RAB5C: variants seen among roughly 807,000 people sequenced by gnomAD.
The protein encoded by RAB5C is RAB5C, member RAS oncogene family, also known as ras-related protein Rab-5C.
RAB5C carries 4 observed loss-of-function variants against 25.2 expected under a neutral mutation model. The ratio of observed to expected loss-of-function variants is 0.16; its 90% CI spans 0.08 to 0.36. The LOEUF is 0.36. Ranked by LOEUF, RAB5C falls within the 10% of genes least tolerant of loss-of-function variation. RAB5C has a pLI of 1.00. For missense variants in RAB5C, 199 were observed against 283.8 expected, an observed-to-expected ratio of 0.70 and a Z score of 2.15; for synonymous variants, 100 against 106.4, an observed-to-expected ratio of 0.94 and a Z score of 0.37.
At chr17:42,128,195 C>G (rs1249073131) in intron 4 of RAB5C, 66 bp downstream of exon 4, 2 of 1,552,136 alleles carry the variant, frequency 1.3e-6, no homozygotes, top group Non-Finnish European at 1.7e-6. Context: ...AGCCCCTGAG[C>G]ATCCCAGGCG....
intron 1 of RAB5C, among the ~76,000 whole-genome samples, chr17:42,139,326 G>C (rs1392771314): frequency 1.3e-5 from 2 of 152,244 alleles, no homozygotes; most frequent in Non-Finnish European, 2.9e-5. Context: ...GCCTGCAGCT[G>C]CACCAGGCAA....
intron 1 of RAB5C, among the ~76,000 whole-genome samples, chr17:42,152,218 A>C (rs2079676219): frequency 6.6e-6 from 1 of 152,178 alleles, no homozygotes; most frequent in East Asian, 1.9e-4. Context: ...TATGAAAATA[A>C]TTTTGCAACC....
chr17:42,148,871 T>C (rs776981028), intron 1 of RAB5C, among the ~76,000 whole-genome samples: 9 of 152,190 alleles, frequency 5.9e-5, no homozygotes, highest in Admixed American at 2.0e-4. Flanking sequence ...CATTACTACA[T>C]AGTCCCCCAC....
At chr17:42,135,171 G>A (rs142035095) in intron 1 of RAB5C, among the ~76,000 whole-genome samples, 73 of 151,764 alleles carry the variant, frequency 4.8e-4, no homozygotes, top group African/African-American at 1.4e-3. Flanking sequence ...TTTTTGTAGC[G>A]GCGGGGTTTT....
intron 1 of RAB5C, among the ~76,000 whole-genome samples, chr17:42,147,030 CAGAA>C (rs1568024975): frequency 2.2e-5 from 2 of 89,182 alleles, no homozygotes; most frequent in African/African-American, 6.9e-5. Context: ...GAAAGAAAGA[CAGAA>C]AGACAGAAAG....
At chr17:42,149,881 T>TTTTTTTG (rs2079658963) in intron 1 of RAB5C, among the ~76,000 whole-genome samples, 1 of 149,564 alleles carries the variant, frequency 6.7e-6, no homozygotes, top group South Asian at 2.1e-4. Context: ...GGCTGGTTTT[T>TTTTTTTG]TTTTTTTTTT....
intron 4 of RAB5C, among the ~76,000 whole-genome samples, chr17:42,127,124 C>T (rs541583523): frequency 2.9e-4 from 44 of 152,354 alleles, no homozygotes; most frequent in Admixed American, 6.5e-4. Flanking sequence ...CTAGGAAATA[C>T]TTCTAGAAAG....
chr17:42,128,709 C>T lies in RAB5C; in HGVS notation c.258G>A (p.Leu86=), dbSNP rs748202064. Residue 86 remains leucine (L), a synonymous_variant, in exon 3 of 6, where the codon CTG becomes CTA. Transcript: ENST00000346213. The part of the protein sequence containing the change: ...DTAGQERYHS[L]APMYYRGAQA... ...GGGCCCCCCGATAGTACATGGGGGCCAGGCTGTGATACCGCTCCTGTCCAG... is the reference window on the plus strand; with the variant it reads ...GGGCCCCCCGATAGTACATGGGGGCTAGGCTGTGATACCGCTCCTGTCCAG... 34 of 1,575,128 alleles carry T rather than the reference C, an allele frequency of 2.2e-5. No individual in the cohort carries two copies. The highest frequency in any genetic ancestry group is 1.7e-4 in the Middle Eastern group (1 of 5,922).
chr17:42,131,519 C>T (rs945805986), intron 1 of RAB5C: 63 of 1,328,576 alleles, frequency 4.7e-5, no homozygotes, highest in Non-Finnish European at 5.9e-5. Context: ...AAACACACAC[C>T]GAAACAAACA....
chr17:42,126,342 G>C (rs982283883), intron 5 of RAB5C, among the ~76,000 whole-genome samples: 12 of 152,196 alleles, frequency 7.9e-5, no homozygotes, highest in African/African-American at 2.6e-4. Flanking sequence ...GGTTAAAAGT[G>C]GTGAAGGGGG....
At chr17:42,138,018 T>C (rs893750109) in intron 1 of RAB5C, 3 of 152,294 alleles carry the variant, frequency 2.0e-5, no homozygotes, top group African/African-American at 7.2e-5. Flanking sequence ...GATTCCCACA[T>C]ATATATTAAG....
At chr17:42,149,785 A>T (rs1367567297) in intron 1 of RAB5C, among the ~76,000 whole-genome samples, 1 of 151,812 alleles carries the variant, frequency 6.6e-6, no homozygotes, top group Non-Finnish European at 1.5e-5. Flanking sequence ...AAATGAGACA[A>T]TTTGTGAAAC....
chr17:42,140,675 C>G (rs2079597956), intron 1 of RAB5C, among the ~76,000 whole-genome samples: 1 of 151,506 alleles, frequency 6.6e-6, no homozygotes, highest in Non-Finnish European at 1.5e-5. Context: ...AGGTGTGCAC[C>G]ACCATACCCA....
chr17:42,154,361 C>T (rs2079692417), intron 1 of RAB5C, among the ~76,000 whole-genome samples: 1 of 152,180 alleles, frequency 6.6e-6, no homozygotes, highest in African/African-American at 2.4e-5. Context: ...CTGGTTGGTT[C>T]TCTGGCTTGA....
At chr17:42,126,912 C>T (rs1307777569) in intron 4 of RAB5C, 64 bp from the exon 5 acceptor site, 3 of 1,068,578 alleles carry the variant, frequency 2.8e-6, no homozygotes, top group Non-Finnish European at 4.3e-6. Flanking sequence ...GGCCCAGGGC[C>T]CAGGATACAA....
At chr17:42,148,403 C>CAAAAA (rs71228786) in intron 1 of RAB5C, among the ~76,000 whole-genome samples, 28 of 57,134 alleles carry the variant, frequency 4.9e-4, no homozygotes, top group African/African-American at 7.9e-4. Flanking sequence ...GACTCCATCT[C>CAAAAA]AAAAAAAAAA....
rs1034105679 is a variant in RAB5C at position 42,144,613 on chromosome 17, A to G, written c.-89+10280T>C. Among the ~76,000 whole-genome samples, 9 of 151,542 alleles carry G rather than the reference A, an allele frequency of 5.9e-5. No individual in the cohort carries two copies. The South Asian group carries it at 1.9e-3, about 32-fold the overall frequency. ...TGGATCACGAGGTCAGGAACTTGAG[A>G]CCATCCTGGCTAACATGGTGAAACC... On this transcript the variant is annotated intron_variant, in intron 1 of 5. Coordinates refer to ENST00000346213, the MANE Select transcript of RAB5C (RefSeq NM_004583.4).
chr17:42,125,627 C>A lies in RAB5C; in HGVS notation c.*156G>T. On this transcript the variant is annotated 3_prime_UTR_variant, in exon 6 of 6. Transcript: ENST00000346213. ...AAAGGTGCAGGTGGAATGACTCACTCCGGCCTATGATCAAAATTATATGGA... is the reference window on the plus strand; with the variant it reads ...AAAGGTGCAGGTGGAATGACTCACTACGGCCTATGATCAAAATTATATGGA... The A allele has an allele frequency of 1.7e-6, 1 of 596,856 alleles. No individual in the cohort carries two copies. The allele number at this position is 596,856 out of a possible 1,614,324, so 37.0% of individuals were successfully genotyped here.
intron 1 of RAB5C, among the ~76,000 whole-genome samples, chr17:42,131,205 C>T (rs1436481149): frequency 1.3e-5 from 2 of 152,144 alleles, no homozygotes; most frequent in East Asian, 1.9e-4. Context: ...AAGGACTGAC[C>T]GACTTTCAGT....
Sources: allele counts gnomAD v4.1 joint callset (sites outside exome capture counted in the v4.1 genomes callset), GRCh38; gene constraint gnomAD v4.1.1; transcripts MANE v1.5; gene names NCBI Gene and HGNC (gene_info 2026-07-23, HGNC 2026-07-21).